PHEX: variants seen among roughly 807,000 people sequenced by gnomAD.
The protein encoded by PHEX is phosphate-regulating neutral endopeptidase PHEX.
A neutral mutation model predicts 68.0 loss-of-function variants in PHEX; 16 were observed. The observed-to-expected ratio is 0.24, with a 90% CI of 0.16 to 0.36. The LOEUF (loss-of-function observed/expected upper bound fraction) is 0.36. PHEX is among the 10% of genes least tolerant of loss of function. PHEX has a pLI of 1.00. For missense variants in PHEX, 480 were observed against 575.5 expected (o/e 0.83, Z 1.70); for synonymous variants, 208 against 205.1 (o/e 1.01, Z -0.12).
At position 22,051,288 on chromosome X, in the gene PHEX, T is replaced by C. The variant is rs770254534; in HGVS notation, c.349+4077T>C. 5.3e-5 allele frequency among the ~76,000 whole-genome samples: 6 copies of C among 112,305 alleles called. No homozygotes were observed. The South Asian group carries it at 1.5e-3, about 27-fold the overall frequency. ...GCTCTTGCCTGTAATCCCACCACTT[T>C]GGGAGGCTGAGGCAGGTGGATTGCT... is the stretch of plus-strand genomic sequence containing the variant. On this transcript the variant is annotated intron_variant, in intron 3 of 21. Coordinates refer to ENST00000379374, the MANE Select transcript of PHEX (RefSeq NM_000444.6).
chrX:22,163,474 G>A (rs1388470391), intron 12 of PHEX: 1 of 111,531 alleles, frequency 9.0e-6, no homozygotes, highest in Non-Finnish European at 1.9e-5. Context: ...AGGTAGTGAA[G>A]ATCAGCAGCT....
chrX:22,247,140 C>A (rs989517520), intron 21 of PHEX, among the ~76,000 whole-genome samples: 1 of 112,205 alleles, frequency 8.9e-6, no homozygotes, highest in Non-Finnish European at 1.9e-5. Context: ...TAACTAGATA[C>A]CATTCATTAA....
At chrX:22,177,644 A>G (rs752433916) in intron 13 of PHEX, among the ~76,000 whole-genome samples, 10 of 112,247 alleles carry the variant, frequency 8.9e-5, no homozygotes, top group Non-Finnish European at 1.7e-4. Context: ...GCTATAATCT[A>G]TGATTTGCCT....
intron 11 of PHEX, among the ~76,000 whole-genome samples, chrX:22,117,937 C>A (rs190249371): frequency 9.1e-6 from 1 of 109,978 alleles, no homozygotes; most frequent in East Asian, 2.8e-4. Context: ...CCACCTGGAA[C>A]CACTGATTTA....
At chrX:22,224,959 G>A (rs1456491204) in intron 18 of PHEX, among the ~76,000 whole-genome samples, 1 of 113,821 alleles carries the variant, frequency 8.8e-6, no homozygotes, top group Non-Finnish European at 1.9e-5. Flanking sequence ...TTATCATACA[G>A]CGCTGTATGA....
chrX:22,091,201 G>A (rs1236700150), intron 6 of PHEX, among the ~76,000 whole-genome samples: 1 of 111,791 alleles, frequency 8.9e-6, no homozygotes, highest in Non-Finnish European at 1.9e-5. Context: ...GAAGGCTCTG[G>A]AGGGAAGCTA....
intron 2 of PHEX, among the ~76,000 whole-genome samples, chrX:22,042,478 G>A (rs1002842253): frequency 8.9e-6 from 1 of 112,031 alleles, no homozygotes; most frequent in African/African-American, 3.2e-5. Flanking sequence ...TATACTAGTC[G>A]TGAGAATAAA....
intron 3 of PHEX, among the ~76,000 whole-genome samples, chrX:22,066,961 C>T (rs779532117): frequency 1.8e-5 from 2 of 111,131 alleles, no homozygotes; most frequent in Non-Finnish European, 3.8e-5. Context: ...AATAGATACC[C>T]GGCTGGGCGT....
chrX:22,242,522 G>T (rs1379097148), intron 20 of PHEX, among the ~76,000 whole-genome samples: 3 of 111,682 alleles, frequency 2.7e-5, no homozygotes, highest in African/African-American at 9.8e-5. Context: ...TGTATATTAA[G>T]AAAACCCCAT....
At chrX:22,035,678 C>T (rs1361763220) in intron 1 of PHEX, among the ~76,000 whole-genome samples, 1 of 111,448 alleles carries the variant, frequency 9.0e-6, no homozygotes, top group Admixed American at 9.6e-5. Context: ...CCCCTGCTTT[C>T]TGGCCATTCT....
At chrX:22,069,786 C>T (rs962438333) in intron 3 of PHEX, among the ~76,000 whole-genome samples, 28 of 111,607 alleles carry the variant, frequency 2.5e-4, no homozygotes, top group African/African-American at 5.9e-4. Context: ...CTTGACTGGC[C>T]GTGAGGCTGA....
chrX:22,114,619 T>C (rs1213251532), intron 11 of PHEX, 33 bp downstream of exon 11: 9 of 1,178,780 alleles, frequency 7.6e-6, no homozygotes, highest in Non-Finnish European at 1.0e-5. Flanking sequence ...CAAAAAATAA[T>C]GGCAATTTAG....
intron 11 of PHEX, among the ~76,000 whole-genome samples, chrX:22,115,830 A>G (rs968814597): frequency 8.9e-6 from 1 of 112,278 alleles, no homozygotes; most frequent in African/African-American, 3.2e-5. Context: ...ACATGCACAC[A>G]TCGCAGTTTC....
At position 22,077,588 on chromosome X, in the gene PHEX, A is replaced by G. The variant is rs1177892511; in HGVS notation, c.549A>G (p.Arg183=). Residue 183 remains arginine, a synonymous_variant, in exon 5 of 22, where the codon AGA becomes AGG. Transcript: ENST00000379374. The part of the protein sequence containing the change: ...NIGPEGVWSE[R]KFSLLQTLAT... ...GCCCTGAAGGGGTTTGGTCAGAGAGAAAGTTCAGCCTTCTGCAGACACTTG... is the reference window on the plus strand; with the variant it reads ...GCCCTGAAGGGGTTTGGTCAGAGAGGAAGTTCAGCCTTCTGCAGACACTTG... 8.3e-7 allele frequency: 1 copy of G among 1,211,318 alleles called. No individual in the cohort carries two copies. The highest frequency in any genetic ancestry group is 1.8e-5 in the South Asian group (1 of 56,989).
intron 5 of PHEX, among the ~76,000 whole-genome samples, chrX:22,080,595 G>T (rs1053731019): frequency 1.8e-5 from 2 of 111,376 alleles, no homozygotes; most frequent in African/African-American, 6.5e-5. Flanking sequence ...ATTTGCAAGT[G>T]TTGCTTTTTT....
intron 21 of PHEX, 138 bp downstream of exon 21, chrX:22,245,547 A>G (rs1341230229): frequency 1.9e-6 from 1 of 524,995 alleles, no homozygotes; most frequent in Non-Finnish European, 3.4e-6. Flanking sequence ...TCCATTTTGC[A>G]GCCAAAAAAT....
At chrX:22,180,016 TA>T (rs1482926496) in intron 14 of PHEX, among the ~76,000 whole-genome samples, 36 of 109,202 alleles carry the variant, frequency 3.3e-4, no homozygotes, top group African/African-American at 4.7e-4. Flanking sequence ...TTTTTTTTTT[TA>T]AAATCAAAAG....
chrX:22,226,436 C>CTGT lies in PHEX; in HGVS notation c.1900-5_1900-3dup. The CTGT allele has an allele frequency of 8.6e-7, 1 of 1,163,631 alleles. No homozygotes were observed. The highest frequency in any genetic ancestry group is 1.2e-6 in the Non-Finnish European group (1 of 863,100). ...ATTTTTTTTTTTTCCTTTTTTCTTT[C>CTGT]TGTTAGGTCAAGGGGAAGAGGACCC... is the stretch of plus-strand genomic sequence containing the variant. On this transcript the variant is annotated splice_region_variant and splice_polypyrimidine_tract_variant and intron_variant, in intron 18 of 21. Transcript: ENST00000379374.
intron 12 of PHEX, among the ~76,000 whole-genome samples, chrX:22,148,435 A>G (rs768869646): frequency 1.4e-4 from 16 of 112,104 alleles, no homozygotes; most frequent in African/African-American, 2.9e-4. Flanking sequence ...GAAAGATTCA[A>G]TCAAACTACT....
Sources: allele counts gnomAD v4.1 joint callset (sites outside exome capture counted in the v4.1 genomes callset), GRCh38; gene constraint gnomAD v4.1.1; transcripts MANE v1.5; gene names NCBI Gene and HGNC (gene_info 2026-07-23, HGNC 2026-07-21).